The following SAMMSON variants were observed in gnomAD, a reference collection of about 807,000 sequenced individuals.
SAMMSON encodes the protein survival associated mitochondrial melanoma specific oncogenic non-coding RNA.
chr3:70,050,388 C>T (rs2067141683), intron 3 of SAMMSON, among the ~76,000 whole-genome samples: 4 of 152,066 alleles, frequency 2.6e-5, no homozygotes, highest in Admixed American at 2.6e-4. Context: ...CAATGTCTTC[C>T]AGTACAGCAG....
At chr3:70,075,292 T>C (rs1470965438) in intron 4 of SAMMSON, 1 of 152,130 alleles carries the variant, frequency 6.6e-6, no homozygotes, top group Non-Finnish European at 1.5e-5. Context: ...GTCTGTTTCT[T>C]AAAATAGCAA....
At chr3:70,348,542 G>A (rs1702769583) in intron 7 of SAMMSON, among the ~76,000 whole-genome samples, 1 of 151,960 alleles carries the variant, frequency 6.6e-6, no homozygotes, top group South Asian at 2.1e-4. Flanking sequence ...CCAATCCTAG[G>A]GGCTCCACCC....
chr3:70,386,209 C>T (rs1703121889), intron 9 of SAMMSON, among the ~76,000 whole-genome samples: 2 of 152,094 alleles, frequency 1.3e-5, no homozygotes, highest in African/African-American at 4.8e-5. Flanking sequence ...CATAAAATGA[C>T]AGAAGCTCCG....
chr3:70,017,611 T>C (rs1370835374), intron 3 of SAMMSON, among the ~76,000 whole-genome samples: 3 of 152,104 alleles, frequency 2.0e-5, no homozygotes, highest in African/African-American at 4.8e-5. Context: ...CCAGAACTTC[T>C]AACACTATGT....
chr3:70,187,948 GCTCT>G (rs1701104472), intron 4 of SAMMSON, among the ~76,000 whole-genome samples: 1 of 152,116 alleles, frequency 6.6e-6, no homozygotes, highest in Non-Finnish European at 1.5e-5. Flanking sequence ...CATGTAGCAA[GCTCT>G]CTGAGTGTTC....
chr3:70,314,134 T>G (rs2106712725), intron 7 of SAMMSON, among the ~76,000 whole-genome samples: 1 of 152,238 alleles, frequency 6.6e-6, no homozygotes, highest in Middle Eastern at 3.4e-3. Flanking sequence ...TAATCTTCTG[T>G]AAACCTTTCT....
chr3:70,264,671 T>C, intron 6 of SAMMSON, among the ~76,000 whole-genome samples: 1 of 152,184 alleles, frequency 6.6e-6, no homozygotes, highest in Non-Finnish European at 1.5e-5. Context: ...AAAGACTCAC[T>C]TTGCTAAACA....
At position 70,103,397 on chromosome 3, in the gene SAMMSON, G is replaced by A. The variant is rs1412829161; in HGVS notation, n.507+31832G>A. Among the ~76,000 whole-genome samples, 3 of 152,178 alleles carry A rather than the reference G, an allele frequency of 2.0e-5. No homozygotes were observed. In the East Asian group the frequency reaches 5.8e-4, roughly 29 times the overall value. ...TTACATAAGTTACCTGCATCTAGAT[G>A]TATGAGGTTAATCCCAAGCCAAATG... On this transcript the variant is annotated intron_variant and non_coding_transcript_variant, in intron 4 of 9. Transcript: ENST00000642114.
At chr3:70,117,986 C>T (rs1304013487) in intron 4 of SAMMSON, among the ~76,000 whole-genome samples, 3 of 152,028 alleles carry the variant, frequency 2.0e-5, no homozygotes, top group Non-Finnish European at 4.4e-5. Flanking sequence ...GGCGCCATCT[C>T]GGCTCACTGC....
At chr3:70,161,668 C>T (rs2067615751) in intron 4 of SAMMSON, among the ~76,000 whole-genome samples, 1 of 151,750 alleles carries the variant, frequency 6.6e-6, no homozygotes, top group Admixed American at 6.6e-5. Context: ...TATCAGCCTT[C>T]TTAGAATGCC....
At chr3:70,315,381 G>A (rs958887154) in intron 7 of SAMMSON, among the ~76,000 whole-genome samples, 18 of 152,138 alleles carry the variant, frequency 1.2e-4, no homozygotes, top group African/African-American at 3.9e-4. Context: ...ATTCTGAACA[G>A]CAACATTTTT....
chr3:70,125,759 C>G, intron 4 of SAMMSON: 1 of 661,392 alleles, frequency 1.5e-6, no homozygotes, highest in East Asian at 2.7e-5. Flanking sequence ...TTCAACATAT[C>G]CTTTATTTTT....
intron 2 of SAMMSON, among the ~76,000 whole-genome samples, chr3:70,398,045 G>T (rs1701106549): frequency 6.6e-6 from 1 of 151,992 alleles, no homozygotes; most frequent in African/African-American, 2.4e-5. Context: ...AATAATAATG[G>T]TCACAGTGGC....
At chr3:70,172,020 A>C (rs189833776) in intron 4 of SAMMSON, among the ~76,000 whole-genome samples, 1 of 152,072 alleles carries the variant, frequency 6.6e-6, no homozygotes, top group African/African-American at 2.4e-5. Flanking sequence ...AAGTAACCTG[A>C]AAAAGAGTTG....
intron 4 of SAMMSON, among the ~76,000 whole-genome samples, chr3:70,193,389 G>A (rs1701146389): frequency 6.6e-6 from 1 of 152,160 alleles, no homozygotes; most frequent in African/African-American, 2.4e-5. Flanking sequence ...GAACTCCTGG[G>A]CTCATGCCAT....
At chr3:70,385,347 A>G (rs564209469) in intron 9 of SAMMSON, among the ~76,000 whole-genome samples, 2 of 152,244 alleles carry the variant, frequency 1.3e-5, no homozygotes, top group South Asian at 2.1e-4. Context: ...TATGTTAAAG[A>G]TTGAAGACAA....
rs1282158066 is a variant in SAMMSON at position 70,259,243 on chromosome 3, A to G, written n.674+9573A>G. On this transcript the variant is annotated intron_variant and non_coding_transcript_variant, in intron 6 of 9. Transcript: ENST00000642114. ...TAGTCTATGCTAAAAACCTACAAGA[A>G]AGAGGTAAGAGTTGGAATTTCACAT... Among the ~76,000 whole-genome samples, 4 of 152,118 alleles carry G rather than the reference A, an allele frequency of 2.6e-5. No homozygotes were observed. In the East Asian group the frequency reaches 5.8e-4, roughly 22 times the overall value.
intron 4 of SAMMSON, among the ~76,000 whole-genome samples, chr3:70,080,681 T>C (rs1223118043): frequency 6.6e-6 from 1 of 151,182 alleles, no homozygotes; most frequent in Non-Finnish European, 1.5e-5. Flanking sequence ...AATTCTCCAA[T>C]CCCTGACTCC....
At chr3:70,309,800 G>A (rs1273163863) in intron 7 of SAMMSON, among the ~76,000 whole-genome samples, 2 of 152,146 alleles carry the variant, frequency 1.3e-5, no homozygotes, top group African/African-American at 4.8e-5. Context: ...TAATTCGAGT[G>A]TAGCTTAAAT....
Sources: gnomAD v4.1 joint callset for allele counts (sites outside exome capture counted in the v4.1 genomes callset) on GRCh38, gnomAD v4.1.1 for gene constraint, MANE v1.5 for transcripts, NCBI Gene and HGNC (gene_info 2026-07-23, HGNC 2026-07-21) for gene names.